SPEG: variants seen among roughly 807,000 people sequenced by gnomAD.
SPEG encodes the protein striated muscle preferentially expressed protein kinase.
Under a neutral mutation model 300.4 loss-of-function variants are expected in SPEG, and 114 were observed. The ratio of observed to expected loss-of-function variants is 0.38; its 90% CI spans 0.33 to 0.44. The LOEUF (loss-of-function observed/expected upper bound fraction) is 0.44, where lower values mean the gene tolerates loss of function less well. Ranked by LOEUF, SPEG falls within the 20% of genes least tolerant of loss-of-function variation. The pLI, the probability that SPEG is intolerant of heterozygous loss-of-function variation, is 1.00. For missense variants in SPEG, 4,201 were observed against 4,586.2 expected, an observed-to-expected ratio of 0.92 and a Z score of 2.43; for synonymous variants, 1,964 against 2,018.9, an observed-to-expected ratio of 0.97 and a Z score of 0.73.
In SPEG at chr2:219,458,018, G is replaced by A. The variant is rs116199340; in HGVS notation, c.2441-3864G>A. Reference sequence around the variant, plus strand: ...TCTTGCTACCTCATACTTCCTGCTTGCTCTTGTAGTCACTTGTGTATCTGG... The same window carrying A: ...TCTTGCTACCTCATACTTCCTGCTTACTCTTGTAGTCACTTGTGTATCTGG... On this transcript the variant is annotated intron_variant, in intron 6 of 40. Transcript: ENST00000312358. The surrounding 1 kb of genome is among the most constrained non-coding windows in gnomAD (Gnocchi z 4.2). Among the ~76,000 whole-genome samples, 1,289 of 152,132 alleles carry A rather than the reference G, an allele frequency of 8.5e-3. 12 individuals are homozygous for A. Among genetic ancestry groups the A allele is most frequent in the African/African-American group, 0.017 (707 of 41,484 alleles).
chr2:219,472,090 T>C (rs905902426), intron 14 of SPEG, 103 bp downstream of exon 14: 10 of 1,527,636 alleles, frequency 6.5e-6, no homozygotes, highest in South Asian at 4.7e-5. Context: ...TTCCCCTCCA[T>C]CCCCTGGGGA....
intron 29 of SPEG, 65 bp from the exon 30 acceptor site, chr2:219,483,033 G>A (rs1367792712): frequency 1.3e-6 from 2 of 1,513,648 alleles, no homozygotes; most frequent in African/African-American, 1.4e-5. Context: ...GGGCTGAGGT[G>A]GGCCTGGGGG....
chr2:219,444,640 C>G lies in SPEG; in HGVS notation c.389-13C>G, dbSNP rs753502254. The G allele has an allele frequency of 3.1e-6, 5 of 1,612,588 alleles. No homozygotes were observed. In the African/African-American group the frequency reaches 5.3e-5, roughly 17 times the overall value. On this transcript the variant is annotated splice_polypyrimidine_tract_variant and intron_variant, in intron 1 of 40. Transcript: ENST00000312358. The surrounding 1 kb of genome is among the most constrained non-coding windows in gnomAD (Gnocchi z 7.8). ...GAGGAGGGCCCTGCCCACACAGACC[C>G]CTTCTTCTCCAGACTCAGAGACGGC... is the stretch of plus-strand genomic sequence containing the variant.
chr2:219,463,349 A>T (rs937740303), intron 8 of SPEG, among the ~76,000 whole-genome samples: 6 of 129,636 alleles, frequency 4.6e-5, no homozygotes, highest in Non-Finnish European at 6.5e-5. Context: ...TATGGTTTGA[A>T]TTCTGTTTTT....
rs1469949021 is a variant in SPEG at position 219,460,740 on chromosome 2, A to AGCCAGCTGCCT, written c.2441-1138_2441-1128dup. Reference sequence around the variant, plus strand: ...TGGTCTCGGCAGGCACCACCTTCCTAGCCAGCTGCCTGCCGGCCTGCCATC... The same window carrying AGCCAGCTGCCT: ...TGGTCTCGGCAGGCACCACCTTCCTAGCCAGCTGCCTGCCAGCTGCCTGCCGGCCTGCCATC... On this transcript the variant is annotated intron_variant, in intron 6 of 40. Coordinates refer to ENST00000312358, the MANE Select transcript of SPEG (RefSeq NM_005876.5). 4 of 984,964 alleles carry AGCCAGCTGCCT rather than the reference A, an allele frequency of 4.1e-6. No homozygotes were observed. The East Asian group carries it at 4.5e-4, about 112-fold the overall frequency. The allele number at this position is 984,964 out of a possible 1,614,324, so 61.0% of individuals were successfully genotyped here.
chr2:219,468,801 C>G (rs1691608583), intron 11 of SPEG, 58 bp from the exon 12 acceptor site: 1 of 1,607,912 alleles, frequency 6.2e-7, no homozygotes, highest in Admixed American at 1.7e-5. Flanking sequence ...TGGGGTGCAC[C>G]CAGAGGGCAG....
chr2:219,451,776 C>A lies in SPEG; in HGVS notation c.2409C>A (p.Ala803=). Residue 803 remains alanine, a synonymous_variant, in exon 6 of 41, where the codon GCC becomes GCA. Coordinates refer to ENST00000312358, the MANE Select transcript of SPEG (RefSeq NM_005876.5). The surrounding 1 kb of genome is among the most constrained non-coding windows in gnomAD (Gnocchi z 6.4). ...MATATNELGQ[A]TCAASLTVRP... ...CCGCCACCAACGAGCTGGGCCAGGC[C>A]ACCTGTGCCGCCTCACTGACCGTGA... The A allele has an allele frequency of 6.4e-7, 1 of 1,552,412 alleles. No homozygotes were observed. Among genetic ancestry groups the A allele is most frequent in the Middle Eastern group, 1.7e-4 (1 of 5,854 alleles).
rs1289884424 is a variant in SPEG at position 219,477,781 on chromosome 2, G to A, written c.4822G>A (p.Gly1608Ser). 21 of 1,606,690 alleles carry A rather than the reference G, an allele frequency of 1.3e-5. No individual in the cohort carries two copies. Among genetic ancestry groups the A allele is most frequent in the Non-Finnish European group, 1.7e-5 (20 of 1,175,546 alleles). ...CTTTTATGACATCCACCAGGAGATCGGCAGGTGTGGGGCTAGGAGGGAAGC... is the reference window on the plus strand; with the variant it reads ...CTTTTATGACATCCACCAGGAGATCAGCAGGTGTGGGGCTAGGAGGGAAGC... ...SDFYDIHQEIGRGAFSYLRRI... is the reference protein window; with the variant it reads ...SDFYDIHQEISRGAFSYLRRI... Residue 1608 changes from glycine (G) to serine (S), a missense_variant, in exon 21 of 41, where the codon GGC becomes AGC. Gly to Ser is a moderately conservative substitution (Grantham distance 56). This residue lies in a region of SPEG where 1,047 missense variants were observed against 1,356.8 expected (regional missense o/e 0.77). Transcript: ENST00000312358. The surrounding 1 kb of genome is among the most constrained non-coding windows in gnomAD (Gnocchi z 6.4).
In SPEG at chr2:219,483,805, C is replaced by A; in HGVS notation, c.6342C>A (p.Pro2114=). The change falls in exon 30 of 41, where the codon CCC becomes CCA. Residue 2114 remains proline, a synonymous_variant. Transcript: ENST00000312358. ...GAGCTGCCTCCAGCGAGGCAGCGCC[C>A]CACCACCAGCCCCCACTCGAGAACC... The part of the protein sequence containing the change: ...MARAASSEAA[P]HHQPPLENRG... The A allele has an allele frequency of 6.4e-7, 1 of 1,573,790 alleles. No homozygotes were observed. Among genetic ancestry groups the A allele is most frequent in the East Asian group, 2.3e-5 (1 of 43,338 alleles).
chr2:219,460,676 C>T, intron 6 of SPEG: 2 of 985,426 alleles, frequency 2.0e-6, no homozygotes, highest in Non-Finnish European at 2.4e-6. Context: ...CTCCCCTCTC[C>T]CCTCTCCTCC....
Position 219,467,177 on chromosome 2 carries a change from A to G in SPEG, c.2885A>G (p.His962Arg), listed in dbSNP as rs1352758388. The G allele has an allele frequency of 1.9e-6, 3 of 1,573,512 alleles. No individual in the cohort carries two copies. The highest frequency in any genetic ancestry group is 1.3e-5 in the African/African-American group (1 of 74,452). The stretch of plus-strand genomic sequence containing the variant: ...CCCGTGGCTGCTTTCCCCTCAGCAC[A>G]CCCTGAAAGCCGGTCCCTGGCCGTG... ...QCEARLEVRA[H>R]PESRSLAVLA... Residue 962 changes from histidine to arginine, a missense_variant, in exon 10 of 41, where the codon CAC (histidine) becomes CGC (arginine). Around this residue, in one of 4 missense-constraint regions of SPEG, gnomAD observed 1,047 missense variants for 1,356.8 expected, o/e 0.77. Transcript: ENST00000312358.
In SPEG at chr2:219,490,437, C is replaced by T. The variant is rs907509960; in HGVS notation, c.8950C>T (p.Arg2984Trp). 8 of 1,612,620 alleles carry T rather than the reference C, an allele frequency of 5.0e-6. No homozygotes were observed. The highest frequency in any genetic ancestry group is 1.7e-4 in the Middle Eastern group (1 of 5,936). The change falls in exon 37 of 41, where the codon CGG becomes TGG. Residue 2984 changes from arginine (R) to tryptophan (W), a missense_variant. By Grantham distance (101) the Arg-to-Trp change is moderately radical. This residue lies in a region of SPEG where 318 missense variants were observed against 429.5 expected (regional missense o/e 0.74). Transcript: ENST00000312358. Reference protein sequence around the residue: ...RGRFGVVRACRENATGRTFVA... With the variant: ...RGRFGVVRACWENATGRTFVA... ...CCGCTTTGGTGTTGTGCGAGCGTGC[C>T]GGGAGAATGCCACGGGGCGAACGTT...
At position 219,489,206 on chromosome 2, in the gene SPEG, G is replaced by A. The variant is rs1325361826; in HGVS notation, c.8302G>A (p.Val2768Ile). 3 of 1,613,936 alleles carry A rather than the reference G, an allele frequency of 1.9e-6. No homozygotes were observed. Among genetic ancestry groups the A allele is most frequent in the Non-Finnish European group, 1.7e-6 (2 of 1,179,948 alleles). ...CAGCAACTCTTCTGAGAAGGTCTTT[G>A]TCAGGGGTACTCAAGGTCAGTGCAA... The part of the protein sequence containing the change: ...PFSNSSEKVF[V>I]RGTQDSSAVP... The change falls in exon 35 of 41, where the codon GTC becomes ATC. Residue 2768 changes from valine (V) to isoleucine (I), a missense_variant. This residue lies in a region of SPEG where 1,578 missense variants were observed against 1,506.0 expected (regional missense o/e 1.05). Transcript: ENST00000312358.
intron 13 of SPEG, among the ~76,000 whole-genome samples, chr2:219,470,723 G>A (rs1691797172): frequency 6.6e-6 from 1 of 152,156 alleles, no homozygotes; most frequent in South Asian, 2.1e-4. Flanking sequence ...CAGGGAGCAG[G>A]GAGTAGGGAA....
rs747190869 is a variant in SPEG at position 219,490,527 on chromosome 2, C to T, written c.9040C>T (p.Leu3014=). Residue 3014 remains leucine (L), a synonymous_variant, in exon 37 of 41, where the codon CTG becomes TTG. Transcript: ENST00000312358. ...KRRVLQEYEV[L]RTLHHERIMS... is the part of the protein sequence containing the mutation. ...GCGGGTCCTGCAGGAGTACGAGGTG[C>T]TGCGGACCCTGCACCACGAGCGGAT... The T allele has an allele frequency of 3.7e-6, 6 of 1,613,040 alleles. No homozygotes were observed. The highest frequency in any genetic ancestry group is 5.1e-6 in the Non-Finnish European group (6 of 1,180,012).
Position 219,483,539 on chromosome 2 carries a change from C to G in SPEG, c.6076C>G (p.Arg2026Gly), listed in dbSNP as rs531879999. 3.1e-3 allele frequency: 4,295 copies of G among 1,404,514 alleles called. 6 individuals are homozygous for G. The highest frequency in any genetic ancestry group is 3.5e-3 in the Non-Finnish European group (3,811 of 1,091,828). The allele number at this position is 1,404,514 out of a possible 1,614,324, so 87.0% of individuals were successfully genotyped here. The change falls in exon 30 of 41, where the codon CGG (arginine) becomes GGG (glycine). Residue 2026 changes from arginine to glycine, a missense_variant. Transcript: ENST00000312358. ...AESALPRAGP[R>G]ELGRGLHKAA... ...GAGCGCCCTGCCCCGGGCCGGGCCG[C>G]GGGAGCTGGGCCGGGGCCTGCACAA...
At position 219,477,040 on chromosome 2, in the gene SPEG, G is replaced by T; in HGVS notation, c.4560+58G>T. 1 of 1,462,212 alleles carries T rather than the reference G, an allele frequency of 6.8e-7. No individual in the cohort carries two copies. The highest frequency in any genetic ancestry group is 1.3e-5 in the South Asian group (1 of 79,346). The allele number at this position is 1,462,212 out of a possible 1,614,324, so 90.6% of individuals were successfully genotyped here. On this transcript the variant is annotated intron_variant, in intron 19 of 40. Coordinates refer to ENST00000312358, the MANE Select transcript of SPEG (RefSeq NM_005876.5). The surrounding 1 kb of genome is among the most constrained non-coding windows in gnomAD (Gnocchi z 6.4). Reference sequence around the variant, plus strand: ...GGGAGGAGGGGCTCCCTGGGGGCGTGGGAGGGTCCTGGAAGGCCTTAGGAG... The same window carrying T: ...GGGAGGAGGGGCTCCCTGGGGGCGTTGGAGGGTCCTGGAAGGCCTTAGGAG...
Position 219,449,190 on chromosome 2 carries a change from G to C in SPEG, c.2032G>C (p.Gly678Arg). ...KRLRRGPEED[G>R]PWGPWDRRGA... ...GCTTCGCAGAGGGCCGGAGGAGGAC[G>C]GTCCCTGGGGGCCCTGGGACCGCCG... Residue 678 changes from glycine to arginine, a missense_variant, in exon 4 of 41, where the codon GGT (glycine) becomes CGT (arginine). This residue lies in a region of SPEG where 1,258 missense variants were observed against 1,293.9 expected (regional missense o/e 0.97). Coordinates refer to ENST00000312358, the MANE Select transcript of SPEG (RefSeq NM_005876.5). 7.2e-7 allele frequency: 1 copy of C among 1,394,110 alleles called. No individual in the cohort carries two copies. The highest frequency in any genetic ancestry group is 1.6e-5 in the South Asian group (1 of 60,816). 86.4% of individuals were successfully genotyped at this position (1,394,110 alleles called of 1,614,324 possible). A position where few individuals can be genotyped will look rare whatever the true frequency, so the allele number is the denominator to read the frequency against.
At chr2:219,466,444 G>A in intron 9 of SPEG, 6 of 1,234,144 alleles carry the variant, frequency 4.9e-6, no homozygotes, top group Non-Finnish European at 5.1e-6. Context: ...GTCTGTGACA[G>A]TCAGGGAAGG....
Sources: allele counts gnomAD v4.1 joint callset (sites outside exome capture counted in the v4.1 genomes callset), GRCh38; gene constraint gnomAD v4.1.1; regional missense constraint gnomAD v4.1.1; non-coding constraint Gnocchi (gnomAD v3.1); transcripts MANE v1.5; gene names NCBI Gene and HGNC (gene_info 2026-07-23, HGNC 2026-07-21).